Variants in CCSER1 observed in about 807,000 individuals in gnomAD.
CCSER1 encodes the protein coiled-coil serine rich protein 1.
In CCSER1, 41 loss-of-function variants were observed where a neutral mutation model predicts 82.0. That is an observed-to-expected ratio of 0.50 (90% CI 0.39 to 0.65). The LOEUF (loss-of-function observed/expected upper bound fraction) is 0.65, where lower values mean the gene tolerates loss of function less well. Ranked by LOEUF, CCSER1 falls within the 30% of genes least tolerant of loss-of-function variation. The pLI is 0.00. For missense variants in CCSER1, 1,119 were observed against 1,064.2 expected (o/e 1.05, Z -0.72); for synonymous variants, 414 against 383.9 (o/e 1.08, Z -0.92).
chr4:90,862,407 C>T (rs888680176), intron 8 of CCSER1, among the ~76,000 whole-genome samples: 7 of 151,846 alleles, frequency 4.6e-5, no homozygotes, highest in Non-Finnish European at 8.8e-5. Flanking sequence ...GGCCATTTTC[C>T]AAATAAATCA....
chr4:90,782,623 C>G (rs11731445), intron 7 of CCSER1, among the ~76,000 whole-genome samples: 88,357 of 150,654 alleles, frequency 0.59, 26,234 homozygotes, highest in African/African-American at 0.67. Context: ...TTGTCAGCTG[C>G]ATATGGAATG....
At chr4:91,418,316 AAC>A (rs1491098505) in intron 10 of CCSER1, among the ~76,000 whole-genome samples, 8 of 150,942 alleles carry the variant, frequency 5.3e-5, no homozygotes, top group African/African-American at 1.9e-4. Context: ...AAAAAAAAAA[AAC>A]AAAATTGACA....
intron 8 of CCSER1, among the ~76,000 whole-genome samples, chr4:90,817,839 G>A (rs1759217966): frequency 6.6e-6 from 1 of 152,112 alleles, no homozygotes; most frequent in African/African-American, 2.4e-5. Flanking sequence ...GAAAATTTTG[G>A]TCCTCCTATT....
chr4:91,231,090 A>G (rs1033727311), intron 10 of CCSER1, among the ~76,000 whole-genome samples: 2 of 151,916 alleles, frequency 1.3e-5, no homozygotes, highest in African/African-American at 4.8e-5. Flanking sequence ...TAGCTACCAT[A>G]TTAATGAGAA....
At chr4:91,245,697 A>T (rs900897067) in intron 10 of CCSER1, among the ~76,000 whole-genome samples, 3 of 151,720 alleles carry the variant, frequency 2.0e-5, no homozygotes, top group Non-Finnish European at 4.4e-5. Context: ...ATATATATAT[A>T]TTTTGTTTGT....
chr4:90,528,510 A>C (rs761995064), intron 5 of CCSER1, among the ~76,000 whole-genome samples: 124 of 152,316 alleles, frequency 8.1e-4, no homozygotes, highest in Non-Finnish European at 9.1e-4. Flanking sequence ...TGTCTTTAGC[A>C]ATGCAGTTTT....
intron 6 of CCSER1, among the ~76,000 whole-genome samples, chr4:90,648,285 GA>G (rs1728014369): frequency 2.2e-4 from 3 of 13,672 alleles, no homozygotes; most frequent in East Asian, 3.2e-3. Context: ...AGAAAGAAAG[GA>G]AAGAAAGAAA....
chr4:90,449,272 G>A (rs1276038530), intron 4 of CCSER1, among the ~76,000 whole-genome samples: 1 of 152,206 alleles, frequency 6.6e-6, no homozygotes, highest in African/African-American at 2.4e-5. Flanking sequence ...GTCTGGCTGA[G>A]TCTGGGGTTT....
intron 10 of CCSER1, among the ~76,000 whole-genome samples, chr4:91,426,739 T>C (rs971610858): frequency 1.3e-5 from 2 of 152,220 alleles, no homozygotes; most frequent in African/African-American, 2.4e-5. Context: ...CATATTTGTA[T>C]GTAAATTTTG....
chr4:90,171,334 A>T (rs1308556237), intron 1 of CCSER1, among the ~76,000 whole-genome samples: 1 of 151,856 alleles, frequency 6.6e-6, no homozygotes, highest in Admixed American at 6.6e-5. Context: ...TTCCTACTTA[A>T]ATCTAACCTA....
In CCSER1 at chr4:91,353,745, T is replaced by A. The variant is rs769721028; in HGVS notation, c.2218-244827T>A. On this transcript the variant is annotated intron_variant, in intron 10 of 10. Transcript: ENST00000509176. ...TTGGTGAACTAAGGTAGCGATGAAGTTTTTTTATCATTTGGAGAAATACAG... is the reference window on the plus strand; with the variant it reads ...TTGGTGAACTAAGGTAGCGATGAAGATTTTTTATCATTTGGAGAAATACAG... Among the ~76,000 whole-genome samples, 31 of 146,322 alleles carry A rather than the reference T, an allele frequency of 2.1e-4. 1 individual carries two copies. Among genetic ancestry groups the A allele is most frequent in the African/African-American group, 5.5e-5 (2 of 36,084 alleles).
intron 9 of CCSER1, among the ~76,000 whole-genome samples, chr4:91,057,943 A>G (rs10446698): frequency 0.19 from 28,151 of 152,094 alleles, 2,777 homozygotes; most frequent in African/African-American, 0.24. Context: ...GGCCAAGGTA[A>G]CACTTATGAC....
In CCSER1 at chr4:90,754,727, C is replaced by G. The variant is rs185550047; in HGVS notation, c.2010+30736C>G. On this transcript the variant is annotated intron_variant, in intron 7 of 10. Coordinates refer to ENST00000509176, the MANE Select transcript of CCSER1 (RefSeq NM_001145065.2). ...TTTTCTGACTTGAACATTTTGCTAGCATTTTTAGTACTTTGTTTTAGTAGA... is the reference window on the plus strand; with the variant it reads ...TTTTCTGACTTGAACATTTTGCTAGGATTTTTAGTACTTTGTTTTAGTAGA... Among the ~76,000 whole-genome samples the G allele has an allele frequency of 1.3e-4, 20 of 152,288 alleles. No individual in the cohort carries two copies. The East Asian group carries it at 2.5e-3, about 19-fold the overall frequency.
intron 4 of CCSER1, among the ~76,000 whole-genome samples, chr4:90,453,703 A>T (rs1431979157): frequency 6.6e-6 from 1 of 152,206 alleles, no homozygotes; most frequent in African/African-American, 2.4e-5. Flanking sequence ...GCTTTCAGGC[A>T]TGATTAGAAA....
intron 3 of CCSER1, among the ~76,000 whole-genome samples, chr4:90,324,856 A>G (rs1175426987): frequency 1.3e-5 from 2 of 152,154 alleles, no homozygotes; most frequent in African/African-American, 4.8e-5. Context: ...TATAAGGTGT[A>G]AGGAAGGGAT....
intron 10 of CCSER1, among the ~76,000 whole-genome samples, chr4:91,266,798 G>A (rs1436553427): frequency 1.3e-5 from 2 of 152,158 alleles, no homozygotes; most frequent in African/African-American, 4.8e-5. Flanking sequence ...AGTGGACACT[G>A]ATTGAATATA....
At chr4:90,399,037 A>C (rs2153543581) in intron 3 of CCSER1, among the ~76,000 whole-genome samples, 1 of 152,266 alleles carries the variant, frequency 6.6e-6, no homozygotes, top group East Asian at 1.9e-4. Context: ...CTGAGATGGC[A>C]TGCCACCATT....
At chr4:90,854,252 G>T (rs1764205921) in intron 8 of CCSER1, among the ~76,000 whole-genome samples, 1 of 152,152 alleles carries the variant, frequency 6.6e-6, no homozygotes, top group South Asian at 2.1e-4. Context: ...GTAGTCTTTA[G>T]TTACAAGGTA....
At chr4:90,276,251 T>TTTCTTTCCTTCCTTCCTTCC (rs1727659770) in intron 1 of CCSER1, among the ~76,000 whole-genome samples, 2 of 76,846 alleles carry the variant, frequency 2.6e-5, no homozygotes, top group Non-Finnish European at 5.4e-5. Flanking sequence ...TCTTTCTTTC[T>TTTCTTTCCTTCCTTCCTTCC]TTCCTTCCTT....
Sources: allele counts gnomAD v4.1 joint callset (sites outside exome capture counted in the v4.1 genomes callset), GRCh38; gene constraint gnomAD v4.1.1; transcripts MANE v1.5; gene names NCBI Gene and HGNC (gene_info 2026-07-23, HGNC 2026-07-21).